Variants in MYRIP observed in about 807,000 individuals in gnomAD.
The protein encoded by MYRIP is myosin VIIA and Rab interacting protein.
MYRIP carries 49 observed loss-of-function variants against 98.0 expected under a neutral mutation model. The observed-to-expected ratio is 0.50, with a 90% CI of 0.40 to 0.63. MYRIP has a LOEUF of 0.63. Ranked by LOEUF, MYRIP falls within the 30% of genes least tolerant of loss-of-function variation. MYRIP has a pLI of 0.00. For missense variants in MYRIP, 1,004 were observed against 1,058.2 expected (o/e 0.95, Z 0.71); for synonymous variants, 404 against 409.5 (o/e 0.99, Z 0.16).
chr3:40,193,816 C>T (rs1389896291), intron 10 of MYRIP, among the ~76,000 whole-genome samples: 1 of 152,192 alleles, frequency 6.6e-6, no homozygotes. Flanking sequence ...AGCAATTTTT[C>T]CTGTGTTTAA....
At chr3:40,085,803 ATC>A (rs1948614363) in intron 3 of MYRIP, among the ~76,000 whole-genome samples, 1 of 152,240 alleles carries the variant, frequency 6.6e-6, no homozygotes, top group Non-Finnish European at 1.5e-5. Flanking sequence ...AAAATAGACT[ATC>A]TCTCTCCTCA....
Position 39,980,051 on chromosome 3 carries a change from G to C in MYRIP, c.111-63999G>C, listed in dbSNP as rs77227909. ...AGAAATCAGTGTCAAATTAACAGCT[G>C]TAACACAGGTTATGAAGGCAAAAGA... On this transcript the variant is annotated intron_variant, in intron 2 of 16. Transcript: ENST00000302541. Among the ~76,000 whole-genome samples, 471 of 152,320 alleles carry C rather than the reference G, an allele frequency of 3.1e-3. 2 individuals carry two copies. Among genetic ancestry groups the C allele is most frequent in the African/African-American group, 0.011 (462 of 41,572 alleles).
chr3:40,116,594 G>A (rs1245807610), intron 3 of MYRIP, among the ~76,000 whole-genome samples: 1 of 152,174 alleles, frequency 6.6e-6, no homozygotes, highest in African/African-American at 2.4e-5. Context: ...AATTTTGATA[G>A]GCATGGGCCT....
intron 10 of MYRIP, among the ~76,000 whole-genome samples, chr3:40,204,171 T>TATTATATA (rs1951720271): frequency 2.9e-5 from 1 of 34,888 alleles, no homozygotes; most frequent in Non-Finnish European, 5.6e-5. Context: ...ATATAATATT[T>TATTATATA]ATATATTATA....
At chr3:40,254,046 C>T (rs1273239038) in intron 16 of MYRIP, among the ~76,000 whole-genome samples, 2 of 152,112 alleles carry the variant, frequency 1.3e-5, no homozygotes, top group Non-Finnish European at 2.9e-5. Context: ...CTAAATGTAG[C>T]AAAGGAAGAG....
rs1367202177 is a variant in MYRIP, at chr3:40,208,610, A to G, written c.1666-1244A>G. 4.6e-5 allele frequency among the ~76,000 whole-genome samples: 7 copies of G among 152,228 alleles called. No homozygotes were observed. In the East Asian group the frequency reaches 1.3e-3, roughly 29 times the overall value. On this transcript the variant is annotated intron_variant, in intron 10 of 16. Coordinates refer to ENST00000302541, the MANE Select transcript of MYRIP (RefSeq NM_015460.4). ...GAATGTCAAACAATATTCCTTACAT[A>G]TGTGCAAGGTCCTTGTACCATCTCA...
chr3:39,813,012 C>G (rs1940751456), intron 1 of MYRIP, among the ~76,000 whole-genome samples: 1 of 152,158 alleles, frequency 6.6e-6, no homozygotes, highest in Non-Finnish European at 1.5e-5. Context: ...TGTTGCCTTT[C>G]CCTCAGCAAG....
intron 1 of MYRIP, among the ~76,000 whole-genome samples, chr3:39,842,590 T>C (rs1941835976): frequency 6.6e-6 from 1 of 152,114 alleles, no homozygotes; most frequent in South Asian, 2.1e-4. Context: ...CCTGGTGGTA[T>C]AGGCACCCAA....
At chr3:40,175,461 C>A (rs1188771238) in intron 8 of MYRIP, among the ~76,000 whole-genome samples, 1 of 152,238 alleles carries the variant, frequency 6.6e-6, no homozygotes, top group African/African-American at 2.4e-5. Context: ...ATTCCCACTT[C>A]TCTTCCTCCC....
At chr3:40,142,244 G>T (rs576420807) in intron 3 of MYRIP, among the ~76,000 whole-genome samples, 1 of 151,648 alleles carries the variant, frequency 6.6e-6, no homozygotes, top group East Asian at 1.9e-4. Flanking sequence ...GTAGAGACGG[G>T]GTTTTACCAT....
intron 12 of MYRIP, 98 bp downstream of exon 12, chr3:40,234,151 TACAC>T: frequency 8.5e-7 from 1 of 1,173,578 alleles, no homozygotes. Flanking sequence ...GACACACACA[TACAC>T]ACACACACCA....
chr3:39,817,315 G>A (rs1940954415), intron 1 of MYRIP, among the ~76,000 whole-genome samples: 1 of 152,164 alleles, frequency 6.6e-6, no homozygotes, highest in Non-Finnish European at 1.5e-5. Flanking sequence ...TCCTTTTGAT[G>A]CCCATCCTCA....
At chr3:39,881,001 T>C (rs1263708563) in intron 1 of MYRIP, among the ~76,000 whole-genome samples, 1 of 152,140 alleles carries the variant, frequency 6.6e-6, no homozygotes, top group African/African-American at 2.4e-5. Flanking sequence ...TCTTTGTTTG[T>C]TTTGGGGAAG....
At chr3:40,182,414 A>G (rs1950904958) in intron 9 of MYRIP, 41 bp downstream of exon 9, 1 of 1,584,440 alleles carries the variant, frequency 6.3e-7, no homozygotes, top group Admixed American at 1.8e-5. Flanking sequence ...TGTGGGTTTC[A>G]AAAGTGTGGT....
At chr3:40,016,919 C>T (rs1946876676) in intron 2 of MYRIP, among the ~76,000 whole-genome samples, 1 of 152,140 alleles carries the variant, frequency 6.6e-6, no homozygotes, top group Admixed American at 6.5e-5. Flanking sequence ...ACCTTCTTCT[C>T]CAGGTGAGGA....
chr3:40,154,072 G>A (rs566517333), intron 4 of MYRIP, among the ~76,000 whole-genome samples: 36 of 151,918 alleles, frequency 2.4e-4, no homozygotes, highest in Admixed American at 7.2e-4. Flanking sequence ...CCTGGGAGGC[G>A]GAGGTTGCAG....
At chr3:40,251,647 T>C (rs929646064) in intron 15 of MYRIP, among the ~76,000 whole-genome samples, 1 of 152,238 alleles carries the variant, frequency 6.6e-6, no homozygotes, top group African/African-American at 2.4e-5. Flanking sequence ...TGAACTGTAC[T>C]GGGTTATCTC....
Position 40,166,846 on chromosome 3 carries a change from G to C in MYRIP, c.551G>C (p.Gly184Ala). 6.2e-7 allele frequency: 1 copy of C among 1,601,796 alleles called. No homozygotes were observed. The highest frequency in any genetic ancestry group is 1.1e-5 in the South Asian group (1 of 90,828). The change falls in exon 6 of 17, where the codon GGA becomes GCA. Residue 184 changes from glycine (G) to alanine (A), a missense_variant and splice_region_variant. Physicochemically the swap from Gly to Ala is moderately conservative, Grantham distance 60. This residue lies in a region of MYRIP where 880 missense variants were observed against 907.7 expected (regional missense o/e 0.97). Coordinates refer to ENST00000302541, the MANE Select transcript of MYRIP (RefSeq NM_015460.4). ...SDSTFYRQSE[G>A]HSVMDTLAVA... ...GCTCTTTGTTCTGTTTCCTGTCTAG[G>C]ACATAGTGTGATGGACACCTTGGCT...
At position 39,896,654 on chromosome 3, in the gene MYRIP, T is replaced by G. The variant is rs1395870366; in HGVS notation, c.-30-4133T>G. The stretch of plus-strand genomic sequence containing the variant: ...CAGCAATAATTACCCTTTATCACTC[T>G]TAGGAATTTATAGTTTTATTTTTCT... On this transcript the variant is annotated intron_variant, in intron 1 of 16. Coordinates refer to ENST00000302541, the MANE Select transcript of MYRIP (RefSeq NM_015460.4). 3.3e-5 allele frequency among the ~76,000 whole-genome samples: 5 copies of G among 152,224 alleles called. No individual in the cohort carries two copies. In the East Asian group the frequency reaches 9.6e-4, roughly 29 times the overall value.
Sources: allele counts gnomAD v4.1 joint callset (sites outside exome capture counted in the v4.1 genomes callset), GRCh38; gene constraint gnomAD v4.1.1; regional missense constraint gnomAD v4.1.1; transcripts MANE v1.5; gene names NCBI Gene and HGNC (gene_info 2026-07-23, HGNC 2026-07-21).